The following SPECC1 variants were observed in gnomAD, a reference collection of about 807,000 sequenced individuals.
The protein encoded by SPECC1 is cytospin-B.
A neutral mutation model predicts 104.1 loss-of-function variants in SPECC1; 62 were observed. The observed-to-expected ratio is 0.60, with a 90% CI of 0.49 to 0.74. The LOEUF (loss-of-function observed/expected upper bound fraction) is 0.74, where lower values mean the gene tolerates loss of function less well. Ranked by LOEUF, SPECC1 falls within the 30% of genes least tolerant of loss-of-function variation. The probability of loss-of-function intolerance (pLI) is 0.00; values close to 1 mark genes in which losing one functional copy is unlikely to be tolerated. For synonymous variants in SPECC1, 513 were observed against 501.6 expected (o/e 1.02, Z -0.30); for missense variants, 1,306 against 1,310.5 (o/e 1.00, Z 0.05).
At chr17:20,165,755 G>T (rs535322186) in intron 3 of SPECC1, among the ~76,000 whole-genome samples, 2 of 152,304 alleles carry the variant, frequency 1.3e-5, no homozygotes, top group South Asian at 4.2e-4. Context: ...GCATGAGATG[G>T]TATGTCATTG....
chr17:20,037,828 T>C (rs532901258), intron 1 of SPECC1, among the ~76,000 whole-genome samples: 1 of 152,268 alleles, frequency 6.6e-6, no homozygotes, highest in East Asian at 1.9e-4. Context: ...TGCAAAATAA[T>C]TTGTCGTTTT....
At chr17:20,126,534 T>G (rs1366455093) in intron 3 of SPECC1, 1 of 152,224 alleles carries the variant, frequency 6.6e-6, no homozygotes, top group Non-Finnish European at 1.5e-5. Flanking sequence ...AGTTTGGAAC[T>G]GGCTCGCTCC....
At chr17:20,020,881 G>A (rs571954494) in intron 1 of SPECC1, among the ~76,000 whole-genome samples, 1 of 152,284 alleles carries the variant, frequency 6.6e-6, no homozygotes, top group Admixed American at 6.5e-5. Context: ...GAGGGGGTCA[G>A]GGGAACTGAT....
At chr17:20,306,660 G>A (rs534464350) in intron 14 of SPECC1, among the ~76,000 whole-genome samples, 81 of 152,368 alleles carry the variant, frequency 5.3e-4, no homozygotes, top group African/African-American at 1.8e-3. Flanking sequence ...GCACGTGCGC[G>A]CAGAGAGAGG....
chr17:20,114,703 T>C (rs1044430539), intron 3 of SPECC1, among the ~76,000 whole-genome samples: 2 of 152,156 alleles, frequency 1.3e-5, no homozygotes, highest in African/African-American at 4.8e-5. Context: ...AAACCACTTT[T>C]GTCTCCTTTG....
At chr17:20,201,729 TAAATA>T (rs2036448823) in intron 3 of SPECC1, among the ~76,000 whole-genome samples, 1 of 152,194 alleles carries the variant, frequency 6.6e-6, no homozygotes, top group Non-Finnish European at 1.5e-5. Flanking sequence ...CAAGAATAAT[TAAATA>T]AGTCTTTTCC....
In SPECC1 at chr17:20,318,280, G is replaced by A. The variant is rs1739527455; in HGVS notation, c.*4215G>A. 4.3e-6 allele frequency: 1 copy of A among 232,488 alleles called. No homozygotes were observed. Among genetic ancestry groups the A allele is most frequent in the Admixed American group, 5.6e-5 (1 of 17,752 alleles). The allele number at this position is 232,488 out of a possible 1,614,324, so 14.4% of individuals were successfully genotyped here. ...TGGATTGAATTTTCCTTGTCTGATG[G>A]TAACCCATGGCCCCCGCCCTGCGGG... On this transcript the variant is annotated 3_prime_UTR_variant, in exon 15 of 15. Transcript: ENST00000395527.
intron 1 of SPECC1, among the ~76,000 whole-genome samples, chr17:20,055,106 C>T (rs189112827): frequency 6.6e-6 from 1 of 152,290 alleles, no homozygotes; most frequent in East Asian, 1.9e-4. Context: ...CCTGCAGCTC[C>T]AGGTAACCTC....
chr17:20,016,761 G>A (rs2044147505), intron 1 of SPECC1, among the ~76,000 whole-genome samples: 1 of 152,238 alleles, frequency 6.6e-6, no homozygotes, highest in African/African-American at 2.4e-5. Context: ...ACCACCCCCT[G>A]CTCCACGGCG....
chr17:20,125,307 G>GT (rs1362369344), intron 3 of SPECC1, among the ~76,000 whole-genome samples: 1 of 152,204 alleles, frequency 6.6e-6, no homozygotes, highest in Non-Finnish European at 1.5e-5. Flanking sequence ...CTGAATGCGC[G>GT]TCATGTTTGC....
chr17:20,110,336 A>G, intron 2 of SPECC1, 91 bp from the exon 3 acceptor site: 8 of 1,428,268 alleles, frequency 5.6e-6, no homozygotes, highest in Middle Eastern at 1.9e-4. Context: ...ACTGCTGGGC[A>G]CATAGCCCAG....
intron 3 of SPECC1, among the ~76,000 whole-genome samples, chr17:20,147,385 TAAA>T (rs1451664481): frequency 1.3e-5 from 2 of 152,012 alleles, no homozygotes; most frequent in African/African-American, 2.4e-5. Flanking sequence ...GATCATGATT[TAAA>T]AAAAATACTG....
At chr17:20,026,024 G>C (rs1307257220) in intron 1 of SPECC1, among the ~76,000 whole-genome samples, 4 of 151,950 alleles carry the variant, frequency 2.6e-5, no homozygotes, top group Non-Finnish European at 4.4e-5. Flanking sequence ...TTAGATAAGT[G>C]TATATTCAAG....
At chr17:20,247,388 A>C in intron 9 of SPECC1, 69 bp downstream of exon 9, 1 of 1,122,672 alleles carries the variant, frequency 8.9e-7, no homozygotes, top group Non-Finnish European at 1.3e-6. Context: ...TTTTCTTTAC[A>C]CATATTAGTG....
Position 20,312,222 on chromosome 17 carries a change from G to A in SPECC1, c.3118-1754G>A, listed in dbSNP as rs562554768. Among the ~76,000 whole-genome samples, 250 of 152,278 alleles carry A rather than the reference G, an allele frequency of 1.6e-3. 1 individual carries two copies. The highest frequency in any genetic ancestry group is 5.9e-3 in the African/African-American group (244 of 41,562). On this transcript the variant is annotated intron_variant, in intron 14 of 14. Transcript: ENST00000395527. The stretch of plus-strand genomic sequence containing the variant: ...CTTAAGTATTTGATAGAATTCACAA[G>A]TGAAATCATCTGGGTCTGGTATCTT...
rs769739985 is a variant in SPECC1, at chr17:20,229,850, ATTG to A, written c.2072-1903_2072-1901del. 1.7e-4 allele frequency among the ~76,000 whole-genome samples: 26 copies of A among 152,334 alleles called. No individual in the cohort carries two copies. In the South Asian group the frequency reaches 3.3e-3, roughly 19 times the overall value. On this transcript the variant is annotated intron_variant, in intron 5 of 14. Transcript: ENST00000395527. ...CCAGTTTTAAAAAGCTGTGGGCAATATTGTTGTGTGGCTGAAAACCAAAGCAAT... is the reference window on the plus strand; with the variant it reads ...CCAGTTTTAAAAAGCTGTGGGCAATATTGTGTGGCTGAAAACCAAAGCAAT...
At chr17:20,092,055 C>T (rs141838210) in intron 1 of SPECC1, among the ~76,000 whole-genome samples, 13 of 152,294 alleles carry the variant, frequency 8.5e-5, no homozygotes, top group Non-Finnish European at 1.8e-4. Flanking sequence ...TCCCTCTCTC[C>T]TCCTTTTCTC....
At chr17:20,052,462 C>T (rs765142024) in intron 1 of SPECC1, among the ~76,000 whole-genome samples, 11 of 152,112 alleles carry the variant, frequency 7.2e-5, no homozygotes, top group Non-Finnish European at 8.8e-5. Context: ...TCAGAAACAC[C>T]AGCACTACCA....
At chr17:20,047,339 G>A (rs1282803600) in intron 1 of SPECC1, among the ~76,000 whole-genome samples, 1 of 152,132 alleles carries the variant, frequency 6.6e-6, no homozygotes, top group Non-Finnish European at 1.5e-5. Flanking sequence ...ACTGCAGATG[G>A]TCTGCCTTTT....
Sources: allele counts gnomAD v4.1 joint callset (sites outside exome capture counted in the v4.1 genomes callset), GRCh38; gene constraint gnomAD v4.1.1; transcripts MANE v1.5; gene names NCBI Gene and HGNC (gene_info 2026-07-23, HGNC 2026-07-21).